The following SLC11A2 variants were observed in gnomAD, a reference collection of about 807,000 sequenced individuals.
SLC11A2 encodes the protein solute carrier family 11 member 2.
A neutral mutation model predicts 68.0 loss-of-function variants in SLC11A2; 38 were observed. The ratio of observed to expected loss-of-function variants is 0.56; its 90% CI spans 0.43 to 0.73. SLC11A2 has a LOEUF of 0.73. Ranked by LOEUF, SLC11A2 falls within the 30% of genes least tolerant of loss-of-function variation. SLC11A2 has a pLI of 0.00. For synonymous variants in SLC11A2, 242 were observed against 250.6 expected, an observed-to-expected ratio of 0.97 and a Z score of 0.32; for missense variants, 517 against 690.5, an observed-to-expected ratio of 0.75 and a Z score of 2.82.
chr12:51,005,016 A>G lies in SLC11A2; in HGVS notation c.310-109T>C, dbSNP rs918360174. On this transcript the variant is annotated intron_variant, in intron 4 of 15. Coordinates refer to ENST00000262052, the MANE Select transcript of SLC11A2 (RefSeq NM_000617.3). ...GTGGTAAATACTGCATTCAGAAAAG[A>G]GCCCAGGTCAAGAATCAAATGACTT... The G allele has an allele frequency of 2.3e-6, 3 of 1,299,522 alleles. No individual in the cohort carries two copies. The South Asian group carries it at 3.8e-5, about 16-fold the overall frequency. 80.5% of individuals were successfully genotyped at this position (1,299,522 alleles called of 1,614,324 possible).
chr12:51,016,822 G>C (rs1943694137), intron 1 of SLC11A2, among the ~76,000 whole-genome samples: 1 of 145,758 alleles, frequency 6.9e-6, no homozygotes, highest in South Asian at 2.2e-4. Flanking sequence ...ACTCCAGCCT[G>C]GGTGACAAGA....
At chr12:50,990,245 T>G (rs916371569) in intron 15 of SLC11A2, among the ~76,000 whole-genome samples, 1 of 152,202 alleles carries the variant, frequency 6.6e-6, no homozygotes, top group African/African-American at 2.4e-5. Flanking sequence ...TAGTAAGTGA[T>G]GGAGCTGAGT....
chr12:50,998,405 T>C (rs1941922084), intron 8 of SLC11A2, among the ~76,000 whole-genome samples: 1 of 152,112 alleles, frequency 6.6e-6, no homozygotes, highest in Non-Finnish European at 1.5e-5. Context: ...AAAAAGAATA[T>C]AGAATCAATT....
chr12:50,996,085 T>C (rs529513993), intron 9 of SLC11A2, among the ~76,000 whole-genome samples: 70 of 152,294 alleles, frequency 4.6e-4, no homozygotes, highest in Admixed American at 7.2e-4. Context: ...CACTGACCTA[T>C]AAAAACGACC....
rs148582995 is a variant in SLC11A2 at position 50,992,279 on chromosome 12, T to C, written c.1258A>G (p.Ile420Val). ...ACAGCAACAAGCAGAGTGGGGATGATGGCAATAGAGCGAGTCAGAACCACT... is the reference window on the plus strand; with the variant it reads ...ACAGCAACAAGCAGAGTGGGGATGACGGCAATAGAGCGAGTCAGAACCACT... Reference protein sequence around the residue: ...ARVVLTRSIAIIPTLLVAVFQ... With the variant: ...ARVVLTRSIAVIPTLLVAVFQ... The change falls in exon 13 of 16, where the codon ATC becomes GTC. Residue 420 changes from isoleucine (I) to valine (V), a missense_variant. Ile to Val is a conservative substitution (Grantham distance 29, BLOSUM62 3). Transcript: ENST00000262052. The C allele has an allele frequency of 6.0e-4, 975 of 1,614,012 alleles. 4 individuals carry two copies. Among genetic ancestry groups the C allele is most frequent in the South Asian group, 2.9e-3 (265 of 91,078 alleles).
chr12:50,976,125 C>A (rs1184251926), downstream of SLC11A2, among the ~76,000 whole-genome samples: 14 of 152,200 alleles, frequency 9.2e-5, 1 homozygote, highest in Admixed American at 9.2e-4. Context: ...AGAGGGAATC[C>A]TCCCTAACTC....
At chr12:50,994,017 A>G (rs1444327912) in intron 11 of SLC11A2, among the ~76,000 whole-genome samples, 3 of 119,776 alleles carry the variant, frequency 2.5e-5, no homozygotes, top group Non-Finnish European at 3.6e-5. Flanking sequence ...AAAAAAAAAA[A>G]GCTGGGGTGT....
chr12:50,987,071 T>C lies in SLC11A2; in HGVS notation c.*1254A>G. ...ATCACACAATCTCAGGCTCGGTATGTAAAAATGTCAGAAGTGGCTGAAGTA... is the reference window on the plus strand; with the variant it reads ...ATCACACAATCTCAGGCTCGGTATGCAAAAATGTCAGAAGTGGCTGAAGTA... On this transcript the variant is annotated 3_prime_UTR_variant, in exon 16 of 16. Coordinates refer to ENST00000262052, the MANE Select transcript of SLC11A2 (RefSeq NM_000617.3). The C allele has an allele frequency of 7.8e-7, 1 of 1,286,496 alleles. No homozygotes were observed. The allele number at this position is 1,286,496 out of a possible 1,614,324, so 79.7% of individuals were successfully genotyped here.
intron 6 of SLC11A2, among the ~76,000 whole-genome samples, chr12:50,999,895 C>G (rs1410918288): frequency 6.6e-6 from 1 of 152,078 alleles, no homozygotes; most frequent in Non-Finnish European, 1.5e-5. Flanking sequence ...GTAATCCCAG[C>G]TACTCAGGAG....
downstream of SLC11A2, among the ~76,000 whole-genome samples, chr12:50,982,681 T>A (rs556438545): frequency 6.6e-6 from 1 of 151,882 alleles, no homozygotes; most frequent in East Asian, 1.9e-4. Context: ...CGGTGTCTCA[T>A]GCCTGTAATC....
downstream of SLC11A2, among the ~76,000 whole-genome samples, chr12:50,978,068 G>C (rs1379665374): frequency 6.6e-6 from 1 of 152,214 alleles, no homozygotes; most frequent in Non-Finnish European, 1.5e-5. Context: ...TTCAACCATT[G>C]TGGAAGACAG....
rs1213184195 is a variant in SLC11A2, at chr12:50,986,680, T to C, written c.*1645A>G. 7.8e-7 allele frequency: 1 copy of C among 1,286,624 alleles called. No individual in the cohort carries two copies. Among genetic ancestry groups the C allele is most frequent in the Non-Finnish European group, 1.0e-6 (1 of 988,374 alleles). 79.7% of individuals were successfully genotyped at this position (1,286,624 alleles called of 1,614,324 possible). ...TGCCTTTATGACCAGTTTGGAGAAT[T>C]ACGATGGTAAGGGGAAGAGGCAGAT... is the stretch of plus-strand genomic sequence containing the variant. On this transcript the variant is annotated 3_prime_UTR_variant, in exon 16 of 16. Transcript: ENST00000262052.
At chr12:50,970,886 TTTTA>T in the SLC11A2 span, among the ~76,000 whole-genome samples, 72 of 151,806 alleles carry the variant, frequency 4.7e-4, no homozygotes, top group African/African-American at 1.6e-3. Flanking sequence ...TTTTATTTTA[TTTTA>T]TTTTTTGAGA....
chr12:50,990,727 G>C, intron 15 of SLC11A2, 68 bp downstream of exon 15: 1 of 1,532,854 alleles, frequency 6.5e-7, no homozygotes. Context: ...GTTCATTTCT[G>C]AATGTCAGTG....
chr12:51,004,305 G>C (rs1942531705), intron 5 of SLC11A2, among the ~76,000 whole-genome samples: 1 of 152,158 alleles, frequency 6.6e-6, no homozygotes, highest in Non-Finnish European at 1.5e-5. Context: ...TGTAGCCCCC[G>C]GTGGGAGGGG....
the SLC11A2 span, among the ~76,000 whole-genome samples, chr12:50,968,180 A>AT: frequency 6.6e-6 from 1 of 152,136 alleles, no homozygotes; most frequent in Non-Finnish European, 1.5e-5. Context: ...ACCTTAAAAC[A>AT]TTTTTGGAGT....
At position 51,026,368 on chromosome 12, in the gene SLC11A2, G is replaced by T; in HGVS notation, c.-97C>A. The T allele has an allele frequency of 7.8e-7, 1 of 1,282,260 alleles. No homozygotes were observed. The highest frequency in any genetic ancestry group is 1.5e-5 in the African/African-American group (1 of 65,730). 79.4% of individuals were successfully genotyped at this position (1,282,260 alleles called of 1,614,324 possible). A position where few individuals can be genotyped will look rare whatever the true frequency, so the allele number is the denominator to read the frequency against. On this transcript the variant is annotated 5_prime_UTR_variant, in exon 1 of 16. Coordinates refer to ENST00000262052, the MANE Select transcript of SLC11A2 (RefSeq NM_000617.3). ...CCCGCGCCCAGGGCTCCATATTCCGGGAGCCAGCGCCACGCTGGCTAACGC... is the reference window on the plus strand; with the variant it reads ...CCCGCGCCCAGGGCTCCATATTCCGTGAGCCAGCGCCACGCTGGCTAACGC...
chr12:50,983,169 T>C (rs555511767), downstream of SLC11A2, among the ~76,000 whole-genome samples: 1 of 152,258 alleles, frequency 6.6e-6, no homozygotes, highest in South Asian at 2.1e-4. Context: ...ACTATAGGCG[T>C]GTGCCACCAC....
At chr12:50,953,068 GC>G in the SLC11A2 span, among the ~76,000 whole-genome samples, 5 of 152,190 alleles carry the variant, frequency 3.3e-5, no homozygotes, top group Non-Finnish European at 2.9e-5. Context: ...CTAGCAGGGT[GC>G]TGGAAATCTT....
Sources: allele counts gnomAD v4.1 joint callset (sites outside exome capture counted in the v4.1 genomes callset), GRCh38; gene constraint gnomAD v4.1.1; transcripts MANE v1.5; gene names NCBI Gene and HGNC (gene_info 2026-07-23, HGNC 2026-07-21).